Variants in CSMD1 observed in about 807,000 individuals in gnomAD.
CSMD1 encodes CUB and Sushi multiple domains 1.
CSMD1 carries 213 observed loss-of-function variants against 417.5 expected under a neutral mutation model. That is an observed-to-expected ratio of 0.51 (90% CI 0.46 to 0.57). The LOEUF (loss-of-function observed/expected upper bound fraction) is 0.57. Ranked by LOEUF, CSMD1 falls within the 20% of genes least tolerant of loss-of-function variation. The probability of loss-of-function intolerance (pLI) is 0.00; values close to 1 mark genes in which losing one functional copy is unlikely to be tolerated. For missense variants in CSMD1, 6,923 were observed against 4,529.7 expected (o/e 1.53, Z -15.17); for synonymous variants, 2,862 against 1,736.8 (o/e 1.65, Z -16.11).
Position 4,045,159 on chromosome 8 carries a change from C to T in CSMD1, c.416-13060G>A, listed in dbSNP as rs561982735. 1.1e-4 allele frequency among the ~76,000 whole-genome samples: 17 copies of T among 152,250 alleles called. No homozygotes were observed. The East Asian group carries it at 2.7e-3, about 24-fold the overall frequency. Reference sequence around the variant, plus strand: ...CTCCCACCTGCAGCGGCCACGCAGTCGTGGGCTGGGGTACCGGGTGCTGAG... The same window carrying T: ...CTCCCACCTGCAGCGGCCACGCAGTTGTGGGCTGGGGTACCGGGTGCTGAG... On this transcript the variant is annotated intron_variant, in intron 3 of 69. Transcript: ENST00000635120.
At chr8:3,099,894 A>G (rs1815608067) in intron 46 of CSMD1, among the ~76,000 whole-genome samples, 1 of 152,224 alleles carries the variant, frequency 6.6e-6, no homozygotes, top group African/African-American at 2.4e-5. Context: ...GGTAGCAGAT[A>G]ATTTGTAGAG....
At chr8:3,228,641 G>C (rs914522206) in intron 27 of CSMD1, among the ~76,000 whole-genome samples, 1 of 152,086 alleles carries the variant, frequency 6.6e-6, no homozygotes, top group African/African-American at 2.4e-5. Flanking sequence ...TTTGTTTATA[G>C]ATTCATTAGG....
intron 7 of CSMD1, among the ~76,000 whole-genome samples, chr8:3,706,664 C>T (rs1197715703): frequency 2.6e-5 from 4 of 152,150 alleles, no homozygotes; most frequent in Non-Finnish European, 4.4e-5. Context: ...CCCAAATGAT[C>T]GGATATCCAA....
chr8:3,157,286 G>T (rs1819595946), intron 39 of CSMD1, among the ~76,000 whole-genome samples: 1 of 152,134 alleles, frequency 6.6e-6, no homozygotes, highest in Non-Finnish European at 1.5e-5. Context: ...TGAGGGACTT[G>T]TGACCACCAC....
intron 2 of CSMD1, among the ~76,000 whole-genome samples, chr8:4,448,836 T>A (rs1798966727): frequency 1.3e-5 from 2 of 152,156 alleles, no homozygotes; most frequent in Admixed American, 1.3e-4. Context: ...TAAAAGGTAA[T>A]TTCTCTATCT....
chr8:3,060,232 A>C (rs1304178996), intron 49 of CSMD1, among the ~76,000 whole-genome samples: 3 of 144,602 alleles, frequency 2.1e-5, no homozygotes, highest in South Asian at 2.2e-4. Flanking sequence ...TCTAACCTCC[A>C]CCTCCCGAGT....
intron 2 of CSMD1, among the ~76,000 whole-genome samples, chr8:4,580,554 C>T (rs903298365): frequency 2.0e-5 from 3 of 152,108 alleles, no homozygotes; most frequent in Non-Finnish European, 4.4e-5. Context: ...TTCCCCATGT[C>T]GGGCGTCTCA....
Position 3,668,051 on chromosome 8 carries a change from G to T in CSMD1, c.1009+40363C>A, listed in dbSNP as rs560365029. On this transcript the variant is annotated intron_variant, in intron 7 of 69. Coordinates refer to ENST00000635120, the MANE Select transcript of CSMD1 (RefSeq NM_033225.6). ...CTCCCCCAGTCCCCATCCCAAGGATGAGCCTTGCTCAGTCTCAATCAGGTG... is the reference window on the plus strand; with the variant it reads ...CTCCCCCAGTCCCCATCCCAAGGATTAGCCTTGCTCAGTCTCAATCAGGTG... Among the ~76,000 whole-genome samples the T allele has an allele frequency of 4.6e-5, 7 of 152,278 alleles. No homozygotes were observed. The East Asian group carries it at 1.2e-3, about 25-fold the overall frequency.
chr8:4,166,470 T>C (rs1041700826), intron 3 of CSMD1, among the ~76,000 whole-genome samples: 11 of 152,000 alleles, frequency 7.2e-5, no homozygotes, highest in East Asian at 3.9e-4. Flanking sequence ...CTGGATGAAG[T>C]TGGAGGCCAT....
At position 4,344,533 on chromosome 8, in the gene CSMD1, A is replaced by C. The variant is rs147289186; in HGVS notation, c.415+75420T>G. On this transcript the variant is annotated intron_variant, in intron 3 of 69. Transcript: ENST00000635120. ...AAAATGATTGTCAGAAATATATATA[A>C]ATAAATAGGTATATAAGAATATAAA... Among the ~76,000 whole-genome samples the C allele has an allele frequency of 2.0e-5, 3 of 151,018 alleles. No individual in the cohort carries two copies. The East Asian group carries it at 5.8e-4, about 29-fold the overall frequency.
intron 5 of CSMD1, among the ~76,000 whole-genome samples, chr8:3,775,293 C>T (rs1412273380): frequency 6.6e-6 from 1 of 152,132 alleles, no homozygotes; most frequent in East Asian, 1.9e-4. Context: ...AATAAGTGAA[C>T]AGAAGATGAA....
intron 33 of CSMD1, among the ~76,000 whole-genome samples, chr8:3,197,495 T>C (rs371360335): frequency 1.4e-5 from 2 of 147,864 alleles, no homozygotes; most frequent in Non-Finnish European, 3.0e-5. Flanking sequence ...AGACGGAGTC[T>C]CGCTCTGTCA....
intron 33 of CSMD1, among the ~76,000 whole-genome samples, chr8:3,197,285 A>G (rs1034287353): frequency 6.6e-6 from 1 of 151,960 alleles, no homozygotes; most frequent in Admixed American, 6.6e-5. Flanking sequence ...TTCACTGTAG[A>G]CCCCAGCAGC....
intron 3 of CSMD1, among the ~76,000 whole-genome samples, chr8:4,381,657 C>A (rs1366633852): frequency 6.6e-6 from 1 of 152,290 alleles, no homozygotes; most frequent in Admixed American, 6.5e-5. Context: ...ATCCCCCAAC[C>A]CTCATTCCCC....
intron 5 of CSMD1, among the ~76,000 whole-genome samples, chr8:3,865,435 G>T (rs1356738299): frequency 6.6e-6 from 1 of 152,046 alleles, no homozygotes; most frequent in Non-Finnish European, 1.5e-5. Flanking sequence ...AGACTGTGAG[G>T]GCTCAGAGGC....
chr8:4,357,921 A>G (rs912523621), intron 3 of CSMD1, among the ~76,000 whole-genome samples: 2 of 152,182 alleles, frequency 1.3e-5, no homozygotes, highest in African/African-American at 4.8e-5. Flanking sequence ...AATAGAGAAT[A>G]TACTTAATTA....
intron 1 of CSMD1, among the ~76,000 whole-genome samples, chr8:4,733,026 A>G (rs1810005291): frequency 1.6e-4 from 6 of 38,098 alleles, no homozygotes; most frequent in Middle Eastern, 0.015. Flanking sequence ...TTTCTTTGGA[A>G]AAAAAAAAAT....
chr8:4,523,188 A>G (rs2130409014), intron 2 of CSMD1, among the ~76,000 whole-genome samples: 1 of 152,204 alleles, frequency 6.6e-6, no homozygotes, highest in East Asian at 1.9e-4. Context: ...AATTCAAAAT[A>G]GGTCCTTAAT....
intron 12 of CSMD1, among the ~76,000 whole-genome samples, chr8:3,429,655 T>G (rs1002068593): frequency 1.3e-5 from 2 of 152,234 alleles, no homozygotes. Flanking sequence ...ACTCATCGAA[T>G]TGCACACTTT....
Sources: allele counts gnomAD v4.1 joint callset (sites outside exome capture counted in the v4.1 genomes callset), GRCh38; gene constraint gnomAD v4.1.1; transcripts MANE v1.5; gene names NCBI Gene and HGNC (gene_info 2026-07-23, HGNC 2026-07-21).